The following DIAPH1 variants were observed in gnomAD, a reference collection of about 807,000 sequenced individuals.
DIAPH1 encodes diaphanous related formin 1.
A neutral mutation model predicts 140.7 loss-of-function variants in DIAPH1; 46 were observed. The ratio of observed to expected loss-of-function variants is 0.33; its 90% CI spans 0.26 to 0.42. DIAPH1 has a LOEUF of 0.42. Among genes scored for constraint, DIAPH1 ranks in the 10% least tolerant of loss-of-function variants. DIAPH1 has a pLI of 1.00. For missense variants in DIAPH1, 1,310 were observed against 1,558.7 expected (o/e 0.84, Z 2.69); for synonymous variants, 565 against 551.6 (o/e 1.02, Z -0.34).
intron 1 of DIAPH1, among the ~76,000 whole-genome samples, chr5:141,611,872 G>T (rs909185895): frequency 6.6e-6 from 1 of 152,144 alleles, no homozygotes; most frequent in Non-Finnish European, 1.5e-5. Context: ...TTCAAGACCA[G>T]CTTGGCCAAC....
At chr5:141,524,063 G>T in intron 27 of DIAPH1, 80 bp downstream of exon 27, 1 of 1,177,876 alleles carries the variant, frequency 8.5e-7, no homozygotes, top group Non-Finnish European at 1.3e-6. Context: ...ATCATTATTT[G>T]CTCTTTAGCC....
chr5:141,542,676 G>A (rs2099890186), intron 18 of DIAPH1, among the ~76,000 whole-genome samples: 1 of 152,156 alleles, frequency 6.6e-6, no homozygotes, highest in Non-Finnish European at 1.5e-5. Context: ...ATAGACTGGT[G>A]ATTGTTAGGA....
At chr5:141,580,032 T>C (rs1170299518) in intron 8 of DIAPH1, among the ~76,000 whole-genome samples, 2 of 151,590 alleles carry the variant, frequency 1.3e-5, no homozygotes, top group East Asian at 1.9e-4. Context: ...CATACATGTA[T>C]ATGGAATACT....
At chr5:141,559,066 T>C (rs7703688) in intron 18 of DIAPH1, among the ~76,000 whole-genome samples, 11,098 of 152,244 alleles carry the variant, frequency 0.073, 420 homozygotes, top group South Asian at 0.12. Flanking sequence ...GAGGGTAACA[T>C]AGCTATGGAA....
At chr5:141,543,409 C>T (rs770920661) in intron 18 of DIAPH1, among the ~76,000 whole-genome samples, 3 of 152,108 alleles carry the variant, frequency 2.0e-5, no homozygotes, top group Non-Finnish European at 4.4e-5. Flanking sequence ...TTCTTGTAAG[C>T]GTGATAAGAA....
intron 1 of DIAPH1, among the ~76,000 whole-genome samples, chr5:141,601,343 G>A (rs1203491058): frequency 3.3e-5 from 5 of 150,460 alleles, no homozygotes; most frequent in South Asian, 2.1e-4. Flanking sequence ...CCAGGCTAAC[G>A]TGCGGTGTGA....
At chr5:141,599,869 A>C (rs2099899878) in intron 1 of DIAPH1, among the ~76,000 whole-genome samples, 1 of 151,814 alleles carries the variant, frequency 6.6e-6, no homozygotes, top group Admixed American at 6.6e-5. Context: ...GGCAAAATTG[A>C]CTTTTTTTTT....
chr5:141,590,009 CTGAG>C (rs1474908030), intron 1 of DIAPH1, among the ~76,000 whole-genome samples: 1 of 152,080 alleles, frequency 6.6e-6, no homozygotes, highest in African/African-American at 2.4e-5. Flanking sequence ...CCTCCGCCTC[CTGAG>C]TAGCTGGGAT....
chr5:141,614,755 C>G (rs1293435624), intron 1 of DIAPH1, among the ~76,000 whole-genome samples: 1 of 151,780 alleles, frequency 6.6e-6, no homozygotes, highest in Non-Finnish European at 1.5e-5. Flanking sequence ...ATCTCACTAA[C>G]GTTCCTGTAG....
chr5:141,518,128 G>C (rs537087290), intron 27 of DIAPH1, among the ~76,000 whole-genome samples: 1 of 152,348 alleles, frequency 6.6e-6, no homozygotes, highest in East Asian at 1.9e-4. Context: ...GTGGTTGCCA[G>C]AGGCAAGGGG....
intron 18 of DIAPH1, among the ~76,000 whole-genome samples, chr5:141,540,809 C>T (rs2099889849): frequency 6.6e-6 from 1 of 151,828 alleles, no homozygotes; most frequent in South Asian, 2.1e-4. Context: ...CCTATAATCC[C>T]AGCACTTTGG....
At chr5:141,535,022 C>T (rs903070589) in intron 18 of DIAPH1, among the ~76,000 whole-genome samples, 3 of 152,196 alleles carry the variant, frequency 2.0e-5, no homozygotes, top group Non-Finnish European at 2.9e-5. Flanking sequence ...AATCATGGCT[C>T]ACTTGCAGCC....
intron 1 of DIAPH1, among the ~76,000 whole-genome samples, chr5:141,615,298 C>T (rs901345460): frequency 1.5e-4 from 23 of 150,940 alleles, no homozygotes; most frequent in Admixed American, 8.6e-4. Context: ...CTGGGTGTGG[C>T]GGCGTACACC....
At chr5:141,529,770 T>C in intron 19 of DIAPH1, 73 bp from the exon 20 acceptor site, 2 of 1,327,254 alleles carry the variant, frequency 1.5e-6, no homozygotes, top group South Asian at 2.4e-5. Flanking sequence ...TGCAAACCTA[T>C]GCTGGATAAT....
chr5:141,530,745 A>G (rs2154595035), intron 19 of DIAPH1, among the ~76,000 whole-genome samples: 1 of 152,352 alleles, frequency 6.6e-6, no homozygotes, highest in East Asian at 1.9e-4. Flanking sequence ...AAAATAAAGC[A>G]CTAGGGCTCT....
intron 1 of DIAPH1, chr5:141,618,466 G>T: frequency 4.2e-6 from 1 of 238,900 alleles, no homozygotes. Context: ...GGCGTGTTCG[G>T]GTACTGGAGG....
intron 18 of DIAPH1, among the ~76,000 whole-genome samples, chr5:141,554,291 C>G (rs976734702): frequency 2.0e-5 from 3 of 151,502 alleles, no homozygotes; most frequent in Admixed American, 6.6e-5. Flanking sequence ...CCGCTCCCCC[C>G]AAAAAAAGGA....
In DIAPH1 at chr5:141,518,529, CTTT is replaced by C. The variant is rs35159859; in HGVS notation, c.3662-1524_3662-1522del. 389 of 138,224 alleles carry C rather than the reference CTTT, an allele frequency of 2.8e-3. 1 individual carries two copies. Among genetic ancestry groups the C allele is most frequent in the South Asian group, 6.6e-3 (30 of 4,512 alleles). The allele number at this position is 138,224 out of a possible 1,614,324, so 8.6% of individuals were successfully genotyped here. A position where few individuals can be genotyped will look rare whatever the true frequency, so the allele number is the denominator to read the frequency against. On this transcript the variant is annotated intron_variant, in intron 27 of 27. Transcript: ENST00000389054. ...AGCCAAACAGGATCAGATAGCCCGT[CTTT>C]TTTTTTTTTTTTTTGATGGAATCTC... is the stretch of plus-strand genomic sequence containing the variant.
At chr5:141,539,864 T>C (rs2099889701) in intron 18 of DIAPH1, among the ~76,000 whole-genome samples, 2 of 152,042 alleles carry the variant, frequency 1.3e-5, no homozygotes, top group Non-Finnish European at 2.9e-5. Context: ...TCTTTTTAAA[T>C]AATAAGCTTT....
Sources: allele counts gnomAD v4.1 joint callset (sites outside exome capture counted in the v4.1 genomes callset), GRCh38; gene constraint gnomAD v4.1.1; transcripts MANE v1.5; gene names NCBI Gene and HGNC (gene_info 2026-07-23, HGNC 2026-07-21).